The following MEP1A variants were observed in gnomAD, a reference collection of about 807,000 sequenced individuals.
MEP1A encodes the protein meprin A subunit alpha.
A neutral mutation model predicts 84.5 loss-of-function variants in MEP1A; 68 were observed. The ratio of observed to expected loss-of-function variants is 0.80; its 90% confidence interval spans 0.66 to 0.98. The LOEUF is 0.98. Ranked by LOEUF, MEP1A falls within the 50% of genes least tolerant of loss-of-function variation. The probability of loss-of-function intolerance (pLI) is 0.00; values close to 1 mark genes in which losing one functional copy is unlikely to be tolerated. For missense variants in MEP1A, 887 were observed against 919.9 expected (o/e 0.96, Z 0.46); for synonymous variants, 337 against 336.8 (o/e 1.00, Z -0.01).
intron 12 of MEP1A, 85 bp downstream of exon 12, chr6:46,834,836 A>G: frequency 7.6e-6 from 8 of 1,056,098 alleles, no homozygotes; most frequent in Non-Finnish European, 9.9e-6. Context: ...GCACACACGG[A>G]GGGTGGGGAT....
intron 5 of MEP1A, among the ~76,000 whole-genome samples, chr6:46,807,693 G>A (rs187094325): frequency 7.2e-4 from 104 of 145,352 alleles, no homozygotes; most frequent in African/African-American, 2.5e-3. Context: ...GGAGGAGGAG[G>A]AGGAGAAGGA....
chr6:46,840,146 G>T (rs1205731068), downstream of MEP1A, among the ~76,000 whole-genome samples: 1 of 152,122 alleles, frequency 6.6e-6, no homozygotes, highest in East Asian at 1.9e-4. Context: ...AAGTCATAAG[G>T]TTTCCTAAGT....
chr6:46,798,436 C>T (rs953456260), intron 3 of MEP1A, among the ~76,000 whole-genome samples, 170 bp from the exon 4 acceptor site: 6 of 152,196 alleles, frequency 3.9e-5, no homozygotes, highest in South Asian at 2.1e-4. Context: ...TGATACTCAT[C>T]GGCCATTCAC....
At chr6:46,836,268 A>G (rs1768216084) in intron 13 of MEP1A, among the ~76,000 whole-genome samples, 1 of 152,166 alleles carries the variant, frequency 6.6e-6, no homozygotes, top group African/African-American at 2.4e-5. Flanking sequence ...TCTTTTTATA[A>G]TGTTTGCTTG....
intron 5 of MEP1A, among the ~76,000 whole-genome samples, chr6:46,800,667 T>G (rs1767180672): frequency 6.6e-6 from 1 of 152,200 alleles, no homozygotes; most frequent in African/African-American, 2.4e-5. Flanking sequence ...AGTTGAATAT[T>G]TGTATAGAAT....
chr6:46,811,059 A>G (rs1475702330), intron 6 of MEP1A, among the ~76,000 whole-genome samples: 1 of 151,916 alleles, frequency 6.6e-6, no homozygotes, highest in Admixed American at 6.6e-5. Context: ...GCTTTTGGCA[A>G]TTGTGTTCAC....
At chr6:46,818,395 T>C (rs1767689741) in intron 6 of MEP1A, among the ~76,000 whole-genome samples, 1 of 152,120 alleles carries the variant, frequency 6.6e-6, no homozygotes, top group Admixed American at 6.6e-5. Context: ...TTGCAATCCA[T>C]TGGTTGCATT....
At chr6:46,799,787 T>C (rs543652120) in intron 5 of MEP1A, among the ~76,000 whole-genome samples, 2 of 152,248 alleles carry the variant, frequency 1.3e-5, no homozygotes, top group African/African-American at 4.8e-5. Context: ...TAGAAATAAG[T>C]AAATATTAGA....
intron 5 of MEP1A, among the ~76,000 whole-genome samples, chr6:46,802,496 A>G (rs2150741301): frequency 6.6e-6 from 1 of 152,008 alleles, no homozygotes; most frequent in East Asian, 1.9e-4. Context: ...GACTTTTAGT[A>G]AAAATTCTTC....
chr6:46,826,911 G>A (rs150518713), intron 9 of MEP1A, among the ~76,000 whole-genome samples: 1,870 of 152,248 alleles, frequency 0.012, 43 homozygotes, highest in African/African-American at 0.042. Flanking sequence ...AAAGAAAACC[G>A]TGAAATTAAT....
chr6:46,815,052 T>G (rs577781927), intron 6 of MEP1A, among the ~76,000 whole-genome samples: 1 of 152,244 alleles, frequency 6.6e-6, no homozygotes, highest in East Asian at 1.9e-4. Context: ...CTTTCAAGAG[T>G]GCATCAGCTA....
downstream of MEP1A, among the ~76,000 whole-genome samples, chr6:46,844,568 T>C (rs220689): frequency 6.6e-6 from 1 of 151,816 alleles, no homozygotes; most frequent in Non-Finnish European, 1.5e-5. Flanking sequence ...TTAAAAACAT[T>C]TAAAGATCCT....
the MEP1A span, among the ~76,000 whole-genome samples, chr6:46,845,742 A>G: frequency 6.6e-6 from 1 of 152,236 alleles, no homozygotes; most frequent in Non-Finnish European, 1.5e-5. Flanking sequence ...AGGAAGAGCC[A>G]GAACTCTGAG....
chr6:46,803,016 T>A (rs921494690), intron 5 of MEP1A, among the ~76,000 whole-genome samples: 1 of 151,736 alleles, frequency 6.6e-6, no homozygotes, highest in South Asian at 2.1e-4. Context: ...AATAAAGTTA[T>A]GTAGCTCTCA....
At chr6:46,826,187 A>T (rs1767940688) in intron 8 of MEP1A, among the ~76,000 whole-genome samples, 167 bp from the exon 9 acceptor site, 1 of 152,140 alleles carries the variant, frequency 6.6e-6, no homozygotes. Flanking sequence ...ATATATTAGC[A>T]AGTACTAAGA....
intron 6 of MEP1A, among the ~76,000 whole-genome samples, chr6:46,818,593 G>A (rs548079940): frequency 7.9e-5 from 12 of 152,244 alleles, no homozygotes; most frequent in Admixed American, 2.0e-4. Context: ...ACATTCTACC[G>A]TAAGGAATTC....
At chr6:46,826,594 T>C in intron 9 of MEP1A, 91 bp downstream of exon 9, 1 of 1,157,164 alleles carries the variant, frequency 8.6e-7, no homozygotes, top group Non-Finnish European at 1.1e-6. Context: ...AGTCAGAATG[T>C]TAGTTATCAA....
At chr6:46,807,565 A>AAGGAAAGG (rs1767365936) in intron 5 of MEP1A, among the ~76,000 whole-genome samples, 3 of 71,818 alleles carry the variant, frequency 4.2e-5, no homozygotes, top group African/African-American at 2.0e-4. Flanking sequence ...AGAAAGAAAG[A>AAGGAAAGG]AAGGAAGGAA....
At chr6:46,825,211 A>G (rs1767909712) in intron 7 of MEP1A, 61 bp from the exon 8 acceptor site, 1 of 1,083,628 alleles carries the variant, frequency 9.2e-7, no homozygotes, top group African/African-American at 1.6e-5. Context: ...GTATCTAGTC[A>G]AAGAGTAGCA....
Sources: allele counts gnomAD v4.1 joint callset (sites outside exome capture counted in the v4.1 genomes callset), GRCh38; gene constraint gnomAD v4.1.1; transcripts MANE v1.5; gene names NCBI Gene and HGNC (gene_info 2026-07-23, HGNC 2026-07-21).